Variants in DPP10 observed in about 807,000 individuals in gnomAD.
The protein encoded by DPP10 is inactive dipeptidyl peptidase 10.
A neutral mutation model predicts 120.9 loss-of-function variants in DPP10; 33 were observed. That is an observed-to-expected ratio of 0.27 (90% CI 0.21 to 0.37). DPP10 has a LOEUF of 0.37. Ranked by LOEUF, DPP10 falls within the 10% of genes least tolerant of loss-of-function variation. The probability of loss-of-function intolerance (pLI) is 1.00; values close to 1 mark genes in which losing one functional copy is unlikely to be tolerated. For missense variants in DPP10, 816 were observed against 942.8 expected (o/e 0.87, Z 1.76); for synonymous variants, 337 against 326.1 (o/e 1.03, Z -0.36).
At chr2:114,572,303 T>C (rs868577184) in intron 1 of DPP10, among the ~76,000 whole-genome samples, 1 of 152,134 alleles carries the variant, frequency 6.6e-6, no homozygotes, top group Admixed American at 6.5e-5. Flanking sequence ...GTTACCTAGA[T>C]GAGTATGAAA....
chr2:115,306,516 T>G (rs530015434), intron 1 of DPP10, among the ~76,000 whole-genome samples: 90 of 152,246 alleles, frequency 5.9e-4, no homozygotes, highest in African/African-American at 2.1e-3. Flanking sequence ...GTTTGATTCT[T>G]TAGCCAGTGT....
intron 1 of DPP10, among the ~76,000 whole-genome samples, chr2:114,539,970 G>A (rs192142295): frequency 1.6e-3 from 246 of 152,036 alleles, no homozygotes; most frequent in Non-Finnish European, 2.6e-3. Context: ...CCAAGTGTTC[G>A]CAATTCATCA....
At chr2:114,665,719 C>A (rs959024080) in intron 1 of DPP10, among the ~76,000 whole-genome samples, 2 of 152,020 alleles carry the variant, frequency 1.3e-5, no homozygotes, top group African/African-American at 2.4e-5. Context: ...TTCCAGATGA[C>A]CCCCAAGAGA....
intron 1 of DPP10, among the ~76,000 whole-genome samples, chr2:114,528,759 C>G (rs544983200): frequency 8.2e-4 from 125 of 151,894 alleles, no homozygotes; most frequent in Non-Finnish European, 7.1e-4. Flanking sequence ...CTTATATTTT[C>G]AGAGTATCAG....
At position 115,198,874 on chromosome 2, in the gene DPP10, A is replaced by G. The variant is rs186433319; in HGVS notation, c.61-110365A>G. Among the ~76,000 whole-genome samples, 58 of 152,308 alleles carry G rather than the reference A, an allele frequency of 3.8e-4. No homozygotes were observed. In the Middle Eastern group the frequency reaches 0.01, roughly 27 times the overall value. On this transcript the variant is annotated intron_variant, in intron 1 of 25. Transcript: ENST00000410059. The stretch of plus-strand genomic sequence containing the variant: ...CTTACCATCATTATTGCCTCTCAAG[A>G]AGTAGATCTTAATATGAAAAAGGAT...
chr2:115,474,038 C>T (rs548196894), intron 3 of DPP10, among the ~76,000 whole-genome samples: 9 of 152,226 alleles, frequency 5.9e-5, no homozygotes, highest in Admixed American at 2.6e-4. Flanking sequence ...TATGAGATGA[C>T]GTCGTGACCT....
chr2:115,418,225 C>G (rs2069606070), intron 3 of DPP10, among the ~76,000 whole-genome samples: 1 of 152,050 alleles, frequency 6.6e-6, no homozygotes, highest in Non-Finnish European at 1.5e-5. Flanking sequence ...GTCTGGCCAG[C>G]TAAAAAGGAG....
At chr2:115,058,502 C>G (rs937786702) in intron 1 of DPP10, among the ~76,000 whole-genome samples, 3 of 152,250 alleles carry the variant, frequency 2.0e-5, no homozygotes, top group Non-Finnish European at 4.4e-5. Flanking sequence ...TGGATTCAAG[C>G]GCTTCTCATG....
At chr2:115,244,399 T>A (rs1426613930) in intron 1 of DPP10, among the ~76,000 whole-genome samples, 1 of 151,820 alleles carries the variant, frequency 6.6e-6, no homozygotes, top group Non-Finnish European at 1.5e-5. Context: ...ATGAAAGGAA[T>A]ATAAAAATGT....
At chr2:115,194,402 C>T (rs948391996) in intron 1 of DPP10, among the ~76,000 whole-genome samples, 1 of 152,068 alleles carries the variant, frequency 6.6e-6, no homozygotes, top group Non-Finnish European at 1.5e-5. Flanking sequence ...TTTTGCATTT[C>T]CAGCAGAGAC....
intron 5 of DPP10, among the ~76,000 whole-genome samples, chr2:115,686,205 C>A (rs1478274641): frequency 6.6e-6 from 1 of 152,012 alleles, no homozygotes; most frequent in African/African-American, 2.4e-5. Flanking sequence ...CCACCAGTCA[C>A]TTCTGCCCCC....
At chr2:114,665,002 C>T (rs185380028) in intron 1 of DPP10, among the ~76,000 whole-genome samples, 1 of 144,592 alleles carries the variant, frequency 6.9e-6, no homozygotes, top group East Asian at 2.0e-4. Flanking sequence ...AAAGATGGCA[C>T]AGAGCATACA....
intron 8 of DPP10, among the ~76,000 whole-genome samples, chr2:115,735,757 C>T (rs6719519): frequency 0.44 from 63,692 of 146,210 alleles, 14,321 homozygotes; most frequent in African/African-American, 0.52. Context: ...GGTCTCTAAC[C>T]CCTGACTTCA....
chr2:115,292,778 C>T (rs1329762179), intron 1 of DPP10, among the ~76,000 whole-genome samples: 1 of 152,090 alleles, frequency 6.6e-6, no homozygotes, highest in Non-Finnish European at 1.5e-5. Flanking sequence ...AATTGAAACA[C>T]TTAACTTTTA....
intron 1 of DPP10, among the ~76,000 whole-genome samples, chr2:115,112,627 G>A (rs1257356140): frequency 1.3e-5 from 2 of 152,218 alleles, no homozygotes; most frequent in East Asian, 3.9e-4. Flanking sequence ...AATACATACT[G>A]CATGATCTCA....
At chr2:115,161,538 C>T (rs1209711075) in intron 1 of DPP10, 2 of 154,242 alleles carry the variant, frequency 1.3e-5, no homozygotes, top group Admixed American at 6.6e-5. Flanking sequence ...GCTGCTCCAC[C>T]TGGCGCGCTG....
intron 1 of DPP10, among the ~76,000 whole-genome samples, chr2:114,784,486 G>A (rs771486910): frequency 7.9e-5 from 12 of 152,084 alleles, no homozygotes; most frequent in Admixed American, 6.6e-5. Flanking sequence ...TGTCACTGGC[G>A]ACTGCCTATT....
intron 3 of DPP10, among the ~76,000 whole-genome samples, chr2:115,458,803 A>G (rs1469421249): frequency 6.6e-6 from 1 of 152,204 alleles, no homozygotes; most frequent in East Asian, 1.9e-4. Flanking sequence ...TGTATGTGTC[A>G]CATGTTTATA....
In DPP10 at chr2:114,714,600, T is replaced by C. The variant is rs1413565444; in HGVS notation, c.60+271762T>C. ...TGGCCCAAAAACCTGGTCTGGCTCCTTGAAAGTTCTTGAACCAAGTTCTAG... is the reference window on the plus strand; with the variant it reads ...TGGCCCAAAAACCTGGTCTGGCTCCCTGAAAGTTCTTGAACCAAGTTCTAG... On this transcript the variant is annotated intron_variant, in intron 1 of 25. Transcript: ENST00000410059. 4.6e-5 allele frequency among the ~76,000 whole-genome samples: 7 copies of C among 152,154 alleles called. No individual in the cohort carries two copies. In the East Asian group the frequency reaches 1.4e-3, roughly 29 times the overall value.
Sources: gnomAD v4.1 joint callset for allele counts (sites outside exome capture counted in the v4.1 genomes callset) on GRCh38, gnomAD v4.1.1 for gene constraint, MANE v1.5 for transcripts, NCBI Gene and HGNC (gene_info 2026-07-23, HGNC 2026-07-21) for gene names.